DLGAP2: variants seen among roughly 807,000 people sequenced by gnomAD.
DLGAP2 encodes the protein disks large-associated protein 2.
In DLGAP2, 26 loss-of-function variants were observed where a neutral mutation model predicts 100.3. That is an observed-to-expected ratio of 0.26 (90% CI 0.19 to 0.36). The LOEUF (loss-of-function observed/expected upper bound fraction) is 0.36, where lower values mean the gene tolerates loss of function less well. Ranked by LOEUF, DLGAP2 falls within the 10% of genes least tolerant of loss-of-function variation. The probability of loss-of-function intolerance (pLI) is 1.00; values close to 1 mark genes in which losing one functional copy is unlikely to be tolerated. For synonymous variants in DLGAP2, 886 were observed against 630.1 expected (o/e 1.41, Z -6.08); for missense variants, 1,858 against 1,453.2 (o/e 1.28, Z -4.53).
intron 2 of DLGAP2, among the ~76,000 whole-genome samples, chr8:926,606 C>T (rs1178856822): frequency 2.6e-5 from 4 of 152,236 alleles, no homozygotes; most frequent in Admixed American, 6.5e-5. Context: ...CAGGTTTCAC[C>T]GGGTGGCACA....
intron 2 of DLGAP2, among the ~76,000 whole-genome samples, chr8:1,255,698 CTT>C (rs1799187721): frequency 7.5e-6 from 1 of 132,622 alleles, no homozygotes. Context: ...TGTGTGTCCT[CTT>C]CTGCCTGGGA....
At chr8:969,567 A>C (rs985858458) in intron 2 of DLGAP2, among the ~76,000 whole-genome samples, 4 of 152,150 alleles carry the variant, frequency 2.6e-5, no homozygotes, top group Non-Finnish European at 4.4e-5. Flanking sequence ...TATAAACTTA[A>C]ATAATTATAT....
chr8:1,690,216 C>T (rs1291897823), intron 12 of DLGAP2, among the ~76,000 whole-genome samples: 2 of 151,792 alleles, frequency 1.3e-5, no homozygotes, highest in Admixed American at 1.3e-4. Flanking sequence ...ATTAGCCAGG[C>T]ATGGTGGCAT....
chr8:832,279 G>A (rs548708863), intron 1 of DLGAP2, among the ~76,000 whole-genome samples: 2 of 152,240 alleles, frequency 1.3e-5, no homozygotes, highest in Admixed American at 6.5e-5. Context: ...TAGTCATGAC[G>A]TCCTTGCCCA....
chr8:1,213,385 C>T (rs1229093990), intron 2 of DLGAP2, among the ~76,000 whole-genome samples: 1 of 149,464 alleles, frequency 6.7e-6, no homozygotes, highest in Non-Finnish European at 1.5e-5. Flanking sequence ...AATGATAATC[C>T]AGTATGTCTC....
intron 4 of DLGAP2, among the ~76,000 whole-genome samples, chr8:1,531,772 G>A (rs1303935256): frequency 6.6e-6 from 1 of 152,096 alleles, no homozygotes; most frequent in Non-Finnish European, 1.5e-5. Flanking sequence ...TCCTTGCATT[G>A]ACTGGCAGAA....
chr8:1,607,686 C>G (rs1323047406), intron 6 of DLGAP2, among the ~76,000 whole-genome samples: 1 of 152,090 alleles, frequency 6.6e-6, no homozygotes, highest in Admixed American at 6.5e-5. Flanking sequence ...GGTGCGCGCA[C>G]CGGGCGCGAG....
intron 2 of DLGAP2, among the ~76,000 whole-genome samples, chr8:1,158,221 G>A (rs1796827289): frequency 1.3e-5 from 2 of 152,198 alleles, no homozygotes; most frequent in Non-Finnish European, 2.9e-5. Context: ...TGATTTTGTG[G>A]CCAATATAAC....
intron 2 of DLGAP2, among the ~76,000 whole-genome samples, chr8:1,017,994 A>G (rs150737292): frequency 1.3e-5 from 2 of 152,188 alleles, no homozygotes; most frequent in South Asian, 2.1e-4. Context: ...CACAACCTGA[A>G]CTATTCCCAC....
intron 8 of DLGAP2, among the ~76,000 whole-genome samples, chr8:1,650,391 A>C (rs1798135358): frequency 6.6e-6 from 1 of 152,226 alleles, no homozygotes; most frequent in Non-Finnish European, 1.5e-5. Context: ...AAATAGTCAA[A>C]ATTGCTGTCT....
intron 3 of DLGAP2, among the ~76,000 whole-genome samples, chr8:1,436,795 A>C (rs576721687): frequency 6.6e-6 from 1 of 152,234 alleles, no homozygotes; most frequent in Admixed American, 6.5e-5. Flanking sequence ...CGGGTTCTGC[A>C]AGTTCCATTC....
chr8:1,624,509 C>T (rs538977977), intron 6 of DLGAP2, among the ~76,000 whole-genome samples: 4 of 151,828 alleles, frequency 2.6e-5, no homozygotes, highest in Non-Finnish European at 4.4e-5. Flanking sequence ...TGAGTCCACG[C>T]ATCCATCAAC....
rs371821120 is a variant in DLGAP2 at position 1,683,536 on chromosome 8, G to C, written c.2704+4907G>C. On this transcript the variant is annotated intron_variant, in intron 12 of 14. Transcript: ENST00000637795. ...ACCTCTGCTGTCATTTGAGATTTTA[G>C]GCTCCTTCAATGAAGTGGCCACATT... 7.5e-4 allele frequency among the ~76,000 whole-genome samples: 113 copies of C among 151,160 alleles called. 1 individual carries two copies. In the South Asian group the frequency reaches 0.012, roughly 16 times the overall value.
At chr8:1,330,112 C>T (rs542241431) in intron 3 of DLGAP2, among the ~76,000 whole-genome samples, 1 of 152,194 alleles carries the variant, frequency 6.6e-6, no homozygotes, top group Admixed American at 6.5e-5. Flanking sequence ...TGTATCTTGC[C>T]CCTGCGAGAG....
chr8:1,499,621 C>G (rs1799649203), intron 3 of DLGAP2, among the ~76,000 whole-genome samples: 1 of 152,114 alleles, frequency 6.6e-6, no homozygotes, highest in South Asian at 2.1e-4. Flanking sequence ...GCAAAAAGTG[C>G]TGTTAGCCTT....
Position 1,701,332 on chromosome 8 carries a change from T to G in DLGAP2, c.3094T>G (p.Phe1032Val). 9 of 1,592,632 alleles carry G rather than the reference T, an allele frequency of 5.7e-6. No individual in the cohort carries two copies. Among genetic ancestry groups the G allele is most frequent in the Non-Finnish European group, 7.7e-6 (9 of 1,170,270 alleles). The change falls in exon 15 of 15, where the codon TTC becomes GTC. Residue 1032 changes from phenylalanine (F) to valine (V), a missense_variant. Coordinates refer to ENST00000637795, the MANE Select transcript of DLGAP2 (RefSeq NM_001346810.2). ...RLMAAKRAASFRQNSASERAD... is the reference protein window; with the variant it reads ...RLMAAKRAASVRQNSASERAD... ...CATGGCCGCCAAGCGAGCGGCGTCC[T>G]TCCGGCAGAATTCCGCCTCCGAGCG...
chr8:1,261,899 G>C (rs1799357732), intron 3 of DLGAP2, among the ~76,000 whole-genome samples: 1 of 152,202 alleles, frequency 6.6e-6, no homozygotes, highest in African/African-American at 2.4e-5. Flanking sequence ...GCACAGAAAT[G>C]ACCAGCCAGA....
chr8:1,555,192 A>T (rs1257462891), intron 5 of DLGAP2, among the ~76,000 whole-genome samples: 1 of 152,098 alleles, frequency 6.6e-6, no homozygotes, highest in African/African-American at 2.4e-5. Context: ...GCCACTCTGG[A>T]CACAGACGCA....
intron 3 of DLGAP2, among the ~76,000 whole-genome samples, chr8:1,483,642 GA>G (rs1247342115): frequency 2.4e-5 from 1 of 42,232 alleles, no homozygotes; most frequent in Non-Finnish European, 4.8e-5. Flanking sequence ...CAGGGAGCAG[GA>G]CCTGAGGGCG....
Sources: allele counts gnomAD v4.1 joint callset (sites outside exome capture counted in the v4.1 genomes callset), GRCh38; gene constraint gnomAD v4.1.1; transcripts MANE v1.5; gene names NCBI Gene and HGNC (gene_info 2026-07-23, HGNC 2026-07-21).